Variants in SHC3 observed in about 807,000 individuals in gnomAD.
The protein encoded by SHC3 is SHC-transforming protein 3.
SHC3 carries 15 observed loss-of-function variants against 60.4 expected under a neutral mutation model. That is an observed-to-expected ratio of 0.25 (90% confidence interval 0.17 to 0.38). The LOEUF (loss-of-function observed/expected upper bound fraction) is 0.38, where lower values mean the gene tolerates loss of function less well. Ranked by LOEUF, SHC3 falls within the 10% of genes least tolerant of loss-of-function variation. The probability of loss-of-function intolerance (pLI) is 1.00; values close to 1 mark genes in which losing one functional copy is unlikely to be tolerated. For synonymous variants in SHC3, 294 were observed against 325.9 expected, an observed-to-expected ratio of 0.90 and a Z score of 1.05; for missense variants, 677 against 786.1, an observed-to-expected ratio of 0.86 and a Z score of 1.66.
At chr9:89,117,271 C>T (rs376198184) in intron 1 of SHC3, among the ~76,000 whole-genome samples, 62 of 152,278 alleles carry the variant, frequency 4.1e-4, no homozygotes, top group Middle Eastern at 6.8e-3. Flanking sequence ...TCTCATCACC[C>T]GGCATAAGCA....
chr9:89,178,541 C>A lies in SHC3; in HGVS notation c.-81G>T. The A allele has an allele frequency of 7.5e-7, 1 of 1,326,124 alleles. No homozygotes were observed. Among genetic ancestry groups the A allele is most frequent in the Non-Finnish European group, 9.9e-7 (1 of 1,005,050 alleles). The allele number at this position is 1,326,124 out of a possible 1,614,324, so 82.1% of individuals were successfully genotyped here. A position where few individuals can be genotyped will look rare whatever the true frequency, so the allele number is the denominator to read the frequency against. On this transcript the variant is annotated 5_prime_UTR_variant, in exon 1 of 12. Coordinates refer to ENST00000375835, the MANE Select transcript of SHC3 (RefSeq NM_016848.6). This position sits in a 1 kb window ranked among gnomAD's most constrained non-coding sequence, Gnocchi z 6.9. ...CGGGCTGCCGCGCATAGCAGGCGAGCCACTGTCCCCGGAGCGGGACGGAGA... is the reference window on the plus strand; with the variant it reads ...CGGGCTGCCGCGCATAGCAGGCGAGACACTGTCCCCGGAGCGGGACGGAGA...
At chr9:89,141,517 T>G (rs1022951487) in intron 1 of SHC3, among the ~76,000 whole-genome samples, 14 of 152,152 alleles carry the variant, frequency 9.2e-5, no homozygotes, top group Non-Finnish European at 1.5e-4. Context: ...GGTAAGAAAT[T>G]TTTACCCTTT....
At chr9:89,162,796 G>A (rs1280860496) in intron 1 of SHC3, among the ~76,000 whole-genome samples, 4 of 148,808 alleles carry the variant, frequency 2.7e-5, no homozygotes, top group Non-Finnish European at 6.0e-5. Flanking sequence ...TACCATCAGA[G>A]TGAACAGGCA....
chr9:89,156,485 T>C (rs1826625176), intron 1 of SHC3, among the ~76,000 whole-genome samples: 1 of 152,104 alleles, frequency 6.6e-6, no homozygotes, highest in African/African-American at 2.4e-5. Flanking sequence ...GACATAATTT[T>C]TTTAATCTTC....
intron 6 of SHC3, among the ~76,000 whole-genome samples, chr9:89,065,228 G>A (rs1825158632): frequency 6.6e-6 from 1 of 152,184 alleles, no homozygotes; most frequent in African/African-American, 2.4e-5. Flanking sequence ...CAGGCAGCAG[G>A]TGGTCTTCCA....
intron 1 of SHC3, among the ~76,000 whole-genome samples, chr9:89,177,437 A>G (rs115086007): frequency 0.012 from 1,772 of 152,328 alleles, 35 homozygotes; most frequent in African/African-American, 0.04. Flanking sequence ...GAAAACCTGG[A>G]CTGGGTGAGA....
intron 2 of SHC3, among the ~76,000 whole-genome samples, chr9:89,097,097 C>T (rs1476899120): frequency 1.2e-4 from 12 of 102,292 alleles, no homozygotes; most frequent in South Asian, 7.4e-4. Flanking sequence ...AGAAGGTGCT[C>T]GCTCTCATGA....
At position 89,178,489 on chromosome 9, in the gene SHC3, C is replaced by G; in HGVS notation, c.-29G>C. 1 of 1,420,104 alleles carries G rather than the reference C, an allele frequency of 7.0e-7. No homozygotes were observed. Among genetic ancestry groups the G allele is most frequent in the Non-Finnish European group, 9.3e-7 (1 of 1,080,860 alleles). 88.0% of individuals were successfully genotyped at this position (1,420,104 alleles called of 1,614,324 possible). ...CCTCCGTGGGCTCGCTGCATCCGCC[C>G]GGGCGCTGCTGGTGCCGGCCCCGGC... On this transcript the variant is annotated 5_prime_UTR_variant, in exon 1 of 12. Coordinates refer to ENST00000375835, the MANE Select transcript of SHC3 (RefSeq NM_016848.6). The surrounding 1 kb of genome is among the most constrained non-coding windows in gnomAD (Gnocchi z 6.9).
chr9:89,018,476 C>T (rs1280048915), intron 11 of SHC3, among the ~76,000 whole-genome samples: 1 of 152,052 alleles, frequency 6.6e-6, no homozygotes, highest in Admixed American at 6.5e-5. Flanking sequence ...GAACATCACA[C>T]ACCAGGGCCT....
intron 2 of SHC3, among the ~76,000 whole-genome samples, chr9:89,093,829 C>T (rs138658752): frequency 0.013 from 2,033 of 152,124 alleles, 20 homozygotes; most frequent in South Asian, 0.034. Flanking sequence ...ACTGGTCGGG[C>T]GCGGTGGCTC....
intron 8 of SHC3, among the ~76,000 whole-genome samples, chr9:89,046,125 A>G (rs1300524941): frequency 8.0e-6 from 1 of 125,136 alleles, no homozygotes; most frequent in Non-Finnish European, 1.6e-5. Context: ...TTCCATATGT[A>G]TGTCCTAAAA....
rs1364833225 is a variant in SHC3, at chr9:89,149,854, A to ACTC, written c.474+28130_474+28132dup. Reference sequence around the variant, plus strand: ...ACAATTAATAAGTCTTCCGTTGCACACTCTTCTGATCAGCATGATGAAGCC... The same window carrying ACTC: ...ACAATTAATAAGTCTTCCGTTGCACACTCCTCTTCTGATCAGCATGATGAAGCC... On this transcript the variant is annotated intron_variant, in intron 1 of 11. Transcript: ENST00000375835. 3.9e-5 allele frequency among the ~76,000 whole-genome samples: 6 copies of ACTC among 152,120 alleles called. No homozygotes were observed. The East Asian group carries it at 1.2e-3, about 29-fold the overall frequency.
At chr9:89,039,088 T>C (rs1824631904) in intron 10 of SHC3, among the ~76,000 whole-genome samples, 1 of 152,240 alleles carries the variant, frequency 6.6e-6, no homozygotes, top group Non-Finnish European at 1.5e-5. Context: ...ATGAAAGGAC[T>C]CTGAAAAATG....
rs947578990 is a variant in SHC3, at chr9:89,046,834, T to C, written c.1113+10A>G. On this transcript the variant is annotated intron_variant, in intron 8 of 11. Coordinates refer to ENST00000375835, the MANE Select transcript of SHC3 (RefSeq NM_016848.6). ...CATTCCTTATATAAGAAAAAAACTA[T>C]AAGACTTACCTGGGCTGTGTCAGGA... 5.2e-6 allele frequency: 8 copies of C among 1,550,178 alleles called. No homozygotes were observed. The highest frequency in any genetic ancestry group is 6.9e-6 in the Non-Finnish European group (8 of 1,152,870).
At chr9:89,160,861 T>G (rs1174477711) in intron 1 of SHC3, among the ~76,000 whole-genome samples, 1 of 152,214 alleles carries the variant, frequency 6.6e-6, no homozygotes, top group Non-Finnish European at 1.5e-5. Flanking sequence ...ACATAGTTCA[T>G]GGAAGGAACA....
chr9:89,066,462 T>C (rs1182955031), intron 5 of SHC3, among the ~76,000 whole-genome samples: 1 of 152,226 alleles, frequency 6.6e-6, no homozygotes, highest in Non-Finnish European at 1.5e-5. Context: ...TTTCTTTGCC[T>C]GCCTTCTCAT....
chr9:89,134,021 C>T (rs2118175409), intron 1 of SHC3, among the ~76,000 whole-genome samples: 1 of 152,196 alleles, frequency 6.6e-6, no homozygotes, highest in East Asian at 1.9e-4. Context: ...GCTCTTACAG[C>T]ACTTCTGTCT....
chr9:89,060,707 T>C (rs1283718530), intron 6 of SHC3, among the ~76,000 whole-genome samples: 1 of 151,924 alleles, frequency 6.6e-6, no homozygotes, highest in Non-Finnish European at 1.5e-5. Context: ...AGGAACAAGA[T>C]TGCATCATTT....
At chr9:89,099,408 G>A (rs75069932) in intron 2 of SHC3, among the ~76,000 whole-genome samples, 12,646 of 152,168 alleles carry the variant, frequency 0.083, 624 homozygotes, top group Admixed American at 0.13. Context: ...AATTGTTCAC[G>A]TTTGTGCTTT....
Sources: allele counts gnomAD v4.1 joint callset (sites outside exome capture counted in the v4.1 genomes callset), GRCh38; gene constraint gnomAD v4.1.1; non-coding constraint Gnocchi (gnomAD v3.1); transcripts MANE v1.5; gene names NCBI Gene and HGNC (gene_info 2026-07-23, HGNC 2026-07-21).